NTRK3: variants seen among roughly 807,000 people sequenced by gnomAD.
NTRK3 encodes the protein neurotrophic receptor tyrosine kinase 3, also known as NT-3 growth factor receptor.
In NTRK3, 24 loss-of-function variants were observed where a neutral mutation model predicts 91.7. The ratio of observed to expected loss-of-function variants is 0.26; its 90% CI spans 0.19 to 0.37. NTRK3 has a LOEUF of 0.37. Ranked by LOEUF, NTRK3 falls within the 10% of genes least tolerant of loss-of-function variation. The probability of loss-of-function intolerance (pLI) is 1.00; values close to 1 mark genes in which losing one functional copy is unlikely to be tolerated. For synonymous variants in NTRK3, 483 were observed against 404.0 expected, an observed-to-expected ratio of 1.20 and a Z score of -2.34; for missense variants, 880 against 1,068.9, an observed-to-expected ratio of 0.82 and a Z score of 2.46.
intron 17 of NTRK3, among the ~76,000 whole-genome samples, chr15:87,916,882 C>A (rs1321583097): frequency 6.6e-6 from 1 of 151,930 alleles, no homozygotes; most frequent in Non-Finnish European, 1.5e-5. Flanking sequence ...CTGCCTCAGC[C>A]TCCCCAAGCA....
At chr15:88,008,911 A>G (rs1239915016) in intron 14 of NTRK3, among the ~76,000 whole-genome samples, 1 of 152,204 alleles carries the variant, frequency 6.6e-6, no homozygotes, top group Non-Finnish European at 1.5e-5. Context: ...CAGATGTCCC[A>G]GACTTCACAG....
chr15:88,029,345 T>C (rs1360609861), intron 14 of NTRK3, among the ~76,000 whole-genome samples: 1 of 152,178 alleles, frequency 6.6e-6, no homozygotes, highest in Non-Finnish European at 1.5e-5. Flanking sequence ...GATCTCTAAA[T>C]ATCCTTGCAG....
intron 13 of NTRK3, among the ~76,000 whole-genome samples, chr15:88,053,849 G>C (rs1396611011): frequency 1.3e-5 from 2 of 152,190 alleles, no homozygotes; most frequent in Admixed American, 1.3e-4. Context: ...ATACTTAATG[G>C]AACTGGTAAA....
chr15:87,917,328 A>C (rs2067517360), intron 17 of NTRK3, among the ~76,000 whole-genome samples: 1 of 152,218 alleles, frequency 6.6e-6, no homozygotes, highest in African/African-American at 2.4e-5. Context: ...AAACCTGTGG[A>C]ATCCCAGAAG....
chr15:88,135,726 G>A (rs958132803), intron 9 of NTRK3, among the ~76,000 whole-genome samples, 173 bp downstream of exon 9: 6 of 152,210 alleles, frequency 3.9e-5, no homozygotes, highest in African/African-American at 1.4e-4. Context: ...TCTTTCTGGG[G>A]TTTTTAGTCC....
intron 5 of NTRK3, among the ~76,000 whole-genome samples, chr15:88,161,642 T>C (rs1407902187): frequency 6.6e-6 from 1 of 151,984 alleles, no homozygotes; most frequent in East Asian, 1.9e-4. Context: ...GAGGAGAGCA[T>C]AGGGAAAGGC....
intron 13 of NTRK3, among the ~76,000 whole-genome samples, chr15:88,068,110 G>T (rs1406091577): frequency 1.3e-5 from 2 of 152,130 alleles, no homozygotes; most frequent in Non-Finnish European, 2.9e-5. Flanking sequence ...AGTGATACAA[G>T]AAAGAAAAGG....
At position 88,189,668 on chromosome 15, in the gene NTRK3, T is replaced by G. The variant is rs1432385043; in HGVS notation, c.249-5369A>C. ...CATGTTGGCCAGGCTGGTCTCAAAC[T>G]CCTTACCTCAGGTGATCCACCTGCC... is the stretch of plus-strand genomic sequence containing the variant. On this transcript the variant is annotated intron_variant, in intron 3 of 18. Transcript: ENST00000394480. 2.0e-5 allele frequency among the ~76,000 whole-genome samples: 3 copies of G among 152,152 alleles called. No individual in the cohort carries two copies. The East Asian group carries it at 5.8e-4, about 29-fold the overall frequency.
At chr15:87,945,315 G>A (rs927133896) in intron 14 of NTRK3, among the ~76,000 whole-genome samples, 3 of 152,198 alleles carry the variant, frequency 2.0e-5, no homozygotes, top group African/African-American at 7.2e-5. Flanking sequence ...TGTTCCCACA[G>A]GACAACCGGT....
At chr15:87,886,652 C>A in intron 17 of NTRK3, among the ~76,000 whole-genome samples, 1 of 116,188 alleles carries the variant, frequency 8.6e-6, no homozygotes. Flanking sequence ...GAGTAATGAC[C>A]AAAGAGAAAA....
chr15:88,174,036 G>A (rs1206185029), intron 5 of NTRK3, among the ~76,000 whole-genome samples: 1 of 152,216 alleles, frequency 6.6e-6, no homozygotes, highest in Non-Finnish European at 1.5e-5. Flanking sequence ...TTATGTCCCT[G>A]GAACTCACTG....
At chr15:87,989,780 T>C (rs140513327) in intron 14 of NTRK3, among the ~76,000 whole-genome samples, 1 of 152,160 alleles carries the variant, frequency 6.6e-6, no homozygotes, top group East Asian at 1.9e-4. Flanking sequence ...CTAATTTTTG[T>C]ATTTTTAGTA....
chr15:87,919,545 T>C (rs1185170870), intron 17 of NTRK3, among the ~76,000 whole-genome samples: 3 of 152,140 alleles, frequency 2.0e-5, no homozygotes, highest in Non-Finnish European at 4.4e-5. Flanking sequence ...GTCCCCAACA[T>C]TACCACCATA....
intron 14 of NTRK3, chr15:87,977,828 A>G (rs767069285): frequency 1.7e-5 from 4 of 232,574 alleles, no homozygotes; most frequent in Non-Finnish European, 2.5e-5. Flanking sequence ...TCCTGACACG[A>G]AGAACCACCA....
At chr15:88,053,694 GGTT>G (rs1445930083) in intron 13 of NTRK3, among the ~76,000 whole-genome samples, 2 of 152,174 alleles carry the variant, frequency 1.3e-5, no homozygotes, top group Non-Finnish European at 2.9e-5. Context: ...AAGATTCTAA[GGTT>G]GTTATGAGAT....
chr15:87,973,292 T>G (rs2073419665), intron 14 of NTRK3, among the ~76,000 whole-genome samples: 1 of 152,198 alleles, frequency 6.6e-6, no homozygotes, highest in South Asian at 2.1e-4. Flanking sequence ...CTGGGGTCAC[T>G]CTATGCAAGT....
intron 14 of NTRK3, chr15:87,978,957 G>T (rs1567176844): frequency 2.9e-6 from 1 of 346,602 alleles, no homozygotes; most frequent in Non-Finnish European, 5.3e-6. Flanking sequence ...GGAAAGTGAG[G>T]CTGGAGCACG....
At chr15:88,050,041 T>C (rs1397809143) in intron 13 of NTRK3, among the ~76,000 whole-genome samples, 1 of 152,212 alleles carries the variant, frequency 6.6e-6, no homozygotes, top group Non-Finnish European at 1.5e-5. Flanking sequence ...TTTCACATAA[T>C]AGTATCTTTG....
intron 13 of NTRK3, among the ~76,000 whole-genome samples, chr15:88,038,247 C>T (rs946303998): frequency 2.6e-5 from 4 of 152,188 alleles, no homozygotes; most frequent in African/African-American, 9.7e-5. Flanking sequence ...CTGAATGTTC[C>T]TATTAAGCTA....
Sources: allele counts gnomAD v4.1 joint callset (sites outside exome capture counted in the v4.1 genomes callset), GRCh38; gene constraint gnomAD v4.1.1; transcripts MANE v1.5; gene names NCBI Gene and HGNC (gene_info 2026-07-23, HGNC 2026-07-21).